Variants in LMTK3 observed in about 807,000 individuals in gnomAD.
The protein encoded by LMTK3 is serine/threonine-protein kinase LMTK3.
In LMTK3, 27 loss-of-function variants were observed where a neutral mutation model predicts 116.7. That is an observed-to-expected ratio of 0.23 (90% CI 0.17 to 0.32). The LOEUF (loss-of-function observed/expected upper bound fraction) is 0.32. Among genes scored for constraint, LMTK3 ranks in the 10% least tolerant of loss-of-function variants. The probability of loss-of-function intolerance (pLI) is 1.00; values close to 1 mark genes in which losing one functional copy is unlikely to be tolerated. For missense variants in LMTK3, 1,764 were observed against 2,068.5 expected, an observed-to-expected ratio of 0.85 and a Z score of 2.86; for synonymous variants, 965 against 971.0, an observed-to-expected ratio of 0.99 and a Z score of 0.11.
chr19:48,502,483 C>T lies in LMTK3; in HGVS notation c.744G>A (p.Leu248=), dbSNP rs1972489743. The T allele has an allele frequency of 6.2e-7, 1 of 1,611,306 alleles. No homozygotes were observed. Among genetic ancestry groups the T allele is most frequent in the African/African-American group, 1.3e-5 (1 of 74,810 alleles). Residue 248 remains leucine, a synonymous_variant, in exon 7 of 15, where the codon CTG becomes CTA. Coordinates refer to ENST00000600059, the MANE Select transcript of LMTK3 (RefSeq NM_001388485.1). ...RDLRTLQRMG[L]EIARGLAHLH... is the part of the protein sequence containing the mutation. Reference sequence around the variant, plus strand: ...GGTGCGCCAGCCCGCGGGCGATCTCCAGGCCCATCCTCTGCAGCGTCCGCA... The same window carrying T: ...GGTGCGCCAGCCCGCGGGCGATCTCTAGGCCCATCCTCTGCAGCGTCCGCA...
Position 48,497,526 on chromosome 19 carries a change from TG to T in LMTK3, c.3542del (p.Pro1181GlnfsTer135). The T allele has an allele frequency of 7.0e-7, 1 of 1,420,814 alleles. No homozygotes were observed. The allele number at this position is 1,420,814 out of a possible 1,614,324, so 88.0% of individuals were successfully genotyped here. ...EVAPEGEPGAPDSRAGGDTAL... is the reference protein window; with the variant it reads ...EVAPEGEPGAXDSRAGGDTAL... ...CCGTGTCTCCGCCGGCCCTGCTGTCTGGGGCCCCGGGCTCTCCCTCGGGGGC... is the reference window on the plus strand; with the variant it reads ...CCGTGTCTCCGCCGGCCCTGCTGTCTGGGCCCCGGGCTCTCCCTCGGGGGC... On this transcript the variant is annotated frameshift_variant, in exon 11 of 15. Transcript: ENST00000600059. LOFTEE classifies it high-confidence loss of function. This position sits in a 1 kb window ranked among gnomAD's most constrained non-coding sequence, Gnocchi z 5.7.
upstream of LMTK3, among the ~76,000 whole-genome samples, chr19:48,512,730 G>A (rs1972681837): frequency 6.6e-6 from 1 of 151,630 alleles, no homozygotes; most frequent in Non-Finnish European, 1.5e-5. Flanking sequence ...TCACTCACAT[G>A]GATACACACA....
intron 5 of LMTK3, among the ~76,000 whole-genome samples, chr19:48,507,990 G>T (rs1972597993): frequency 6.6e-6 from 1 of 152,142 alleles, no homozygotes; most frequent in African/African-American, 2.4e-5. Flanking sequence ...CTGAGGAAGG[G>T]AAGGGGCCCC....
At chr19:48,493,037 T>C (rs927144804) in intron 12 of LMTK3, among the ~76,000 whole-genome samples, 6 of 151,776 alleles carry the variant, frequency 4.0e-5, no homozygotes, top group Non-Finnish European at 7.4e-5. Flanking sequence ...CTCAGGCCCT[T>C]CCCGCGCCCT....
chr19:48,486,350 C>T (rs1972125246), intron 14 of LMTK3, among the ~76,000 whole-genome samples: 2 of 150,512 alleles, frequency 1.3e-5, no homozygotes, highest in Admixed American at 6.6e-5. Context: ...TGAGCCACCG[C>T]GCCCGGCCTT....
chr19:48,509,929 G>T, intron 3 of LMTK3, 94 bp downstream of exon 3: 2 of 1,428,670 alleles, frequency 1.4e-6, no homozygotes, highest in East Asian at 2.4e-5. Flanking sequence ...GCTGCCGCTG[G>T]TCTCAACCGC....
At chr19:48,513,373 G>T, upstream of LMTK3, 1 of 610,730 alleles carries the variant, frequency 1.6e-6, no homozygotes. The surrounding 1 kb of genome is among the most constrained non-coding windows in gnomAD (Gnocchi z 5.6). Flanking sequence ...GGCACAGCGC[G>T]GGGTAGTCAC....
chr19:48,488,318 C>G (rs1035283040), intron 14 of LMTK3, among the ~76,000 whole-genome samples: 5 of 152,102 alleles, frequency 3.3e-5, no homozygotes, highest in African/African-American at 1.2e-4. Context: ...GTCCCACCTG[C>G]CCTTGACTCT....
chr19:48,497,139 C>G lies in LMTK3; in HGVS notation c.3676+254G>C, dbSNP rs1972341811. On this transcript the variant is annotated intron_variant, in intron 11 of 14. Coordinates refer to ENST00000600059, the MANE Select transcript of LMTK3 (RefSeq NM_001388485.1). This position sits in a 1 kb window ranked among gnomAD's most constrained non-coding sequence, Gnocchi z 5.7. ...AATTCATTTAACCTTCACAGCAACC[C>G]TATGACGTAGGTTCTATCCCTGCCA... Among the ~76,000 whole-genome samples the G allele has an allele frequency of 6.6e-6, 1 of 152,232 alleles. No homozygotes were observed. The highest frequency in any genetic ancestry group is 2.4e-5 in the African/African-American group (1 of 41,460).
At chr19:48,509,917 T>G (rs920905820) in intron 3 of LMTK3, 106 bp downstream of exon 3, 54 of 1,283,660 alleles carry the variant, frequency 4.2e-5, no homozygotes, top group Non-Finnish European at 5.7e-5. Context: ...CCTTTCCCAT[T>G]GGCTGCCGCT....
chr19:48,498,599 G>A lies in LMTK3; in HGVS notation c.2470C>T (p.Pro824Ser), dbSNP rs1279972193. The change falls in exon 11 of 15, where the codon CCC becomes TCC. Residue 824 changes from proline to serine, a missense_variant. By Grantham distance (74) the Pro-to-Ser change is moderately conservative (BLOSUM62 -1). This residue lies in a region of LMTK3 where 1,028 missense variants were observed against 1,050.6 expected (regional missense o/e 0.98). Coordinates refer to ENST00000600059, the MANE Select transcript of LMTK3 (RefSeq NM_001388485.1). The part of the protein sequence containing the change: ...EEEGVPRPRA[P>S]PEPPDPGAPR... ...GCTCCTGGGTCGGGTGGCTCGGGGG[G>A]AGCCCGCGGCCGAGGGACCCCTTCC... The A allele has an allele frequency of 1.3e-6, 2 of 1,548,458 alleles. No individual in the cohort carries two copies. The highest frequency in any genetic ancestry group is 1.7e-6 in the Non-Finnish European group (2 of 1,146,330).
chr19:48,492,261 T>C (rs1972239849), intron 12 of LMTK3, among the ~76,000 whole-genome samples: 1 of 152,184 alleles, frequency 6.6e-6, no homozygotes, highest in South Asian at 2.1e-4. Context: ...TGATCATGGC[T>C]CAATGCAGCC....
At position 48,491,633 on chromosome 19, in the gene LMTK3, T is replaced by A; in HGVS notation, c.4093-94A>T. On this transcript the variant is annotated intron_variant, in intron 12 of 14. Transcript: ENST00000600059. This position sits in a 1 kb window ranked among gnomAD's most constrained non-coding sequence, Gnocchi z 5.1. The stretch of plus-strand genomic sequence containing the variant: ...AAGCAACAAAACCGGCTAATATTTC[T>A]GGGGCTCTAGGAATCCCAATTTGTA... The A allele has an allele frequency of 8.7e-7, 1 of 1,144,412 alleles. No homozygotes were observed. The highest frequency in any genetic ancestry group is 1.1e-6 in the Non-Finnish European group (1 of 891,082). 70.9% of individuals were successfully genotyped at this position (1,144,412 alleles called of 1,614,324 possible).
upstream of LMTK3, among the ~76,000 whole-genome samples, chr19:48,512,710 GA>G (rs1446132828): frequency 6.6e-6 from 1 of 151,820 alleles, no homozygotes; most frequent in Non-Finnish European, 1.5e-5. Context: ...CACTCACACG[GA>G]CACAAGCTTC....
rs1426492579 is a variant in LMTK3, at chr19:48,493,855, C to A, written c.3931G>T (p.Val1311Leu). Residue 1311 changes from valine to leucine, a missense_variant, in exon 12 of 15, where the codon GTG becomes TTG. This residue lies in a region of LMTK3 where 281 missense variants were observed against 301.4 expected (regional missense o/e 0.93). Transcript: ENST00000600059. ...TCGGCGCTGCTCACCACGACGGGCA[C>A]CGGGGCTGCTCGCGCCCTCCCGGGG... is the stretch of plus-strand genomic sequence containing the variant. Reference protein sequence around the residue: ...RGPGRARAAPVPVVVSSADAD... With the variant: ...RGPGRARAAPLPVVVSSADAD... 7.0e-6 allele frequency: 9 copies of A among 1,283,944 alleles called. No individual in the cohort carries two copies. 79.5% of individuals were successfully genotyped at this position (1,283,944 alleles called of 1,614,324 possible).
intron 5 of LMTK3, among the ~76,000 whole-genome samples, chr19:48,505,096 TCTCTCTC>T (rs1197742289): frequency 4.8e-5 from 5 of 104,874 alleles, no homozygotes; most frequent in African/African-American, 8.5e-5. Flanking sequence ...TCTCTCTCTC[TCTCTCTC>T]TTTTTTTTTT....
At position 48,493,881 on chromosome 19, in the gene LMTK3, C is replaced by T. The variant is rs1014068524; in HGVS notation, c.3905G>A (p.Gly1302Asp). The T allele has an allele frequency of 1.8e-6, 2 of 1,095,554 alleles. No homozygotes were observed. Among genetic ancestry groups the T allele is most frequent in the Non-Finnish European group, 2.2e-6 (2 of 903,352 alleles). The allele number at this position is 1,095,554 out of a possible 1,614,324, so 67.9% of individuals were successfully genotyped here. A position where few individuals can be genotyped will look rare whatever the true frequency, so the allele number is the denominator to read the frequency against. ...CGGGGCTGCTCGCGCCCTCCCGGGG[C>T]CCCGCGGCCCCGCCGCCGCGCCCGG... ...AAPGAAAGPR[G>D]PGRARAAPVP... Residue 1302 changes from glycine (G) to aspartate (D), a missense_variant, in exon 12 of 15, where the codon GGC (glycine) becomes GAC (aspartate). This residue lies in a region of LMTK3 where 281 missense variants were observed against 301.4 expected (regional missense o/e 0.93). Transcript: ENST00000600059.
chr19:48,495,016 T>G (rs1178618191), intron 11 of LMTK3, among the ~76,000 whole-genome samples: 2 of 124,684 alleles, frequency 1.6e-5, no homozygotes, highest in African/African-American at 3.4e-5. Flanking sequence ...GTTTTTTTTG[T>G]TTTTTTTTTT....
intron 8 of LMTK3, 27 bp from the exon 9 acceptor site, chr19:48,501,431 G>T (rs1972464376): frequency 6.2e-7 from 1 of 1,612,472 alleles, no homozygotes; most frequent in Non-Finnish European, 8.5e-7. Context: ...GGTGTCAGGC[G>T]GGTCAGGGCA....
Sources: gnomAD v4.1 joint callset for allele counts (sites outside exome capture counted in the v4.1 genomes callset) on GRCh38, gnomAD v4.1.1 for gene constraint, gnomAD v4.1.1 regional missense constraint, Gnocchi (gnomAD v3.1) non-coding constraint, MANE v1.5 for transcripts, NCBI Gene and HGNC (gene_info 2026-07-23, HGNC 2026-07-21) for gene names.